Variants in ELAPOR2 observed in about 807,000 individuals in gnomAD.
ELAPOR2 encodes endosome/lysosome-associated apoptosis and autophagy regulator family member 2.
In ELAPOR2, 89 loss-of-function variants were observed where a neutral mutation model predicts 120.7. That is an observed-to-expected ratio of 0.74 (90% CI 0.62 to 0.88). The LOEUF (loss-of-function observed/expected upper bound fraction) is 0.88. ELAPOR2 is among the 40% of genes least tolerant of loss of function. ELAPOR2 has a pLI of 0.00. For synonymous variants in ELAPOR2, 444 were observed against 444.9 expected (o/e 1.00, Z 0.03); for missense variants, 1,134 against 1,251.6 (o/e 0.91, Z 1.42).
chr7:86,880,844 C>A (rs1799365469), intron 21 of ELAPOR2, among the ~76,000 whole-genome samples: 1 of 151,492 alleles, frequency 6.6e-6, no homozygotes, highest in African/African-American at 2.4e-5. Flanking sequence ...GGGGACATAC[C>A]TGACCTGAGT....
At chr7:86,982,423 C>G (rs1045193323) in intron 1 of ELAPOR2, among the ~76,000 whole-genome samples, 1 of 152,194 alleles carries the variant, frequency 6.6e-6, no homozygotes, top group Admixed American at 6.5e-5. Context: ...CCGACTGACA[C>G]CTCATATAGG....
intron 18 of ELAPOR2, among the ~76,000 whole-genome samples, chr7:86,901,983 T>A (rs1165164838): frequency 1.3e-5 from 2 of 152,216 alleles, no homozygotes; most frequent in Non-Finnish European, 2.9e-5. Context: ...CAGGCTACTA[T>A]GATAAAACAT....
chr7:86,964,217 A>G (rs1218396211), intron 2 of ELAPOR2, among the ~76,000 whole-genome samples: 1 of 151,318 alleles, frequency 6.6e-6, no homozygotes, highest in East Asian at 1.9e-4. Flanking sequence ...CCTCTCGACT[A>G]TTTTGCTGCA....
At chr7:86,903,779 T>C (rs1280947168) in intron 18 of ELAPOR2, among the ~76,000 whole-genome samples, 1 of 152,198 alleles carries the variant, frequency 6.6e-6, no homozygotes, top group Admixed American at 6.5e-5. Context: ...TTTAGGCTGA[T>C]TTATAAACTA....
intron 17 of ELAPOR2, 111 bp from the exon 18 acceptor site, chr7:86,907,882 G>A (rs1410927629): frequency 3.9e-6 from 2 of 515,638 alleles, no homozygotes; most frequent in Non-Finnish European, 6.5e-6. Context: ...AAAGAAAAAT[G>A]TATTAAAGTT....
At chr7:86,986,056 G>C (rs893753474) in intron 1 of ELAPOR2, among the ~76,000 whole-genome samples, 7 of 151,860 alleles carry the variant, frequency 4.6e-5, no homozygotes, top group Non-Finnish European at 8.8e-5. Context: ...AGAAGTTCTG[G>C]CCAGGGCAAT....
chr7:86,999,038 C>G (rs1793222022), intron 1 of ELAPOR2, among the ~76,000 whole-genome samples: 1 of 151,842 alleles, frequency 6.6e-6, no homozygotes, highest in Admixed American at 6.6e-5. Context: ...AAGTATCAAA[C>G]TGGTTTCTTC....
intron 18 of ELAPOR2, among the ~76,000 whole-genome samples, chr7:86,899,078 G>C (rs1280579265): frequency 6.6e-6 from 1 of 152,156 alleles, no homozygotes; most frequent in African/African-American, 2.4e-5. Context: ...TGTGGATGGG[G>C]CTTAGACACA....
In ELAPOR2 at chr7:86,924,955, C is replaced by G. The variant is rs551874053; in HGVS notation, c.1399+573G>C. 3.3e-5 allele frequency among the ~76,000 whole-genome samples: 5 copies of G among 152,130 alleles called. No homozygotes were observed. The South Asian group carries it at 8.3e-4, about 25-fold the overall frequency. ...TTTAAAAATACATATATTCATTCAACCATCACATACTGCAGAACAAGTAAA... is the reference window on the plus strand; with the variant it reads ...TTTAAAAATACATATATTCATTCAAGCATCACATACTGCAGAACAAGTAAA... On this transcript the variant is annotated intron_variant, in intron 10 of 21. Transcript: ENST00000450689.
At chr7:86,916,140 C>T (rs1183851750) in intron 12 of ELAPOR2, among the ~76,000 whole-genome samples, 1 of 152,120 alleles carries the variant, frequency 6.6e-6, no homozygotes, top group Non-Finnish European at 1.5e-5. Flanking sequence ...AGGATTGATT[C>T]CTCAATACAA....
intron 5 of ELAPOR2, among the ~76,000 whole-genome samples, chr7:86,941,025 T>C (rs936318215): frequency 6.6e-6 from 1 of 152,086 alleles, no homozygotes; most frequent in Non-Finnish European, 1.5e-5. Flanking sequence ...GGTATACAGA[T>C]TTTTAAAAAT....
chr7:86,941,558 A>G (rs1464063833), intron 5 of ELAPOR2, among the ~76,000 whole-genome samples: 1 of 152,108 alleles, frequency 6.6e-6, no homozygotes, highest in Non-Finnish European at 1.5e-5. Flanking sequence ...AAGCTTGAAT[A>G]TCACTTGTTG....
chr7:86,918,578 T>A, intron 11 of ELAPOR2, 34 bp from the exon 12 acceptor site: 2 of 1,240,726 alleles, frequency 1.6e-6, no homozygotes, highest in Non-Finnish European at 2.4e-6. Flanking sequence ...ATATTTATAC[T>A]ATGTTCTAAA....
At chr7:87,012,527 T>C (rs1332436615) in intron 1 of ELAPOR2, among the ~76,000 whole-genome samples, 1 of 152,200 alleles carries the variant, frequency 6.6e-6, no homozygotes, top group East Asian at 1.9e-4. Flanking sequence ...ATCATATCTC[T>C]CCTAAGCTAG....
At chr7:87,039,857 AC>A (rs1562980603) in intron 1 of ELAPOR2, among the ~76,000 whole-genome samples, 1 of 151,932 alleles carries the variant, frequency 6.6e-6, no homozygotes, top group Non-Finnish European at 1.5e-5. Flanking sequence ...CATCTGAGGT[AC>A]CGGGTTCATC....
chr7:87,039,628 T>C (rs1374502108), intron 1 of ELAPOR2, among the ~76,000 whole-genome samples: 6 of 152,102 alleles, frequency 3.9e-5, no homozygotes, highest in African/African-American at 7.2e-5. Context: ...ATGTGATACA[T>C]TGGATCAACA....
At chr7:86,991,201 T>G (rs1056219935) in intron 1 of ELAPOR2, among the ~76,000 whole-genome samples, 8 of 152,214 alleles carry the variant, frequency 5.3e-5, no homozygotes, top group African/African-American at 1.9e-4. Context: ...CTTCACAGAC[T>G]TGGCACAGAG....
intron 1 of ELAPOR2, among the ~76,000 whole-genome samples, chr7:86,982,807 C>T (rs1792555262): frequency 6.6e-6 from 1 of 152,190 alleles, no homozygotes; most frequent in South Asian, 2.1e-4. Context: ...TCCTCGCCAG[C>T]AACAGAATAA....
chr7:87,037,164 T>C (rs532692125), intron 1 of ELAPOR2, among the ~76,000 whole-genome samples: 1 of 152,168 alleles, frequency 6.6e-6, no homozygotes, highest in Non-Finnish European at 1.5e-5. Flanking sequence ...TCTTGCTATA[T>C]GCTCAGAGCC....
Sources: gnomAD v4.1 joint callset for allele counts (sites outside exome capture counted in the v4.1 genomes callset) on GRCh38, gnomAD v4.1.1 for gene constraint, MANE v1.5 for transcripts, NCBI Gene and HGNC (gene_info 2026-07-23, HGNC 2026-07-21) for gene names.